ARID1B: variants seen among roughly 807,000 people sequenced by gnomAD.
ARID1B encodes AT-rich interactive domain-containing protein 1B.
ARID1B carries 30 observed loss-of-function variants against 212.3 expected under a neutral mutation model. That is an observed-to-expected ratio of 0.14 (90% confidence interval 0.11 to 0.19). ARID1B has a LOEUF of 0.19. ARID1B is among the 10% of genes least tolerant of loss of function. ARID1B has a pLI of 1.00. For synonymous variants in ARID1B, 1,402 were observed against 1,301.7 expected (o/e 1.08, Z -1.66); for missense variants, 2,891 against 3,204.0 (o/e 0.90, Z 2.36).
At chr6:156,925,502 T>A (rs1180339934) in intron 3 of ARID1B, among the ~76,000 whole-genome samples, 3 of 152,100 alleles carry the variant, frequency 2.0e-5, no homozygotes, top group Non-Finnish European at 4.4e-5. Context: ...AGTGAGACCC[T>A]TTCTCTAAAA....
chr6:156,977,227 T>A (rs964550787), intron 4 of ARID1B, among the ~76,000 whole-genome samples: 1 of 152,000 alleles, frequency 6.6e-6, no homozygotes, highest in African/African-American at 2.4e-5. Flanking sequence ...ACAGTTTTTA[T>A]CAAATTTGGA....
chr6:156,878,088 C>T (rs550259244), intron 2 of ARID1B, among the ~76,000 whole-genome samples: 1 of 152,218 alleles, frequency 6.6e-6, no homozygotes, highest in South Asian at 2.1e-4. Flanking sequence ...CATACTTGAT[C>T]AGGCGGTTGC....
At chr6:156,837,255 G>GA (rs1397992976) in intron 2 of ARID1B, among the ~76,000 whole-genome samples, 1 of 152,162 alleles carries the variant, frequency 6.6e-6, no homozygotes, top group African/African-American at 2.4e-5. Context: ...TTGATAAGTA[G>GA]AAAATCTTAA....
intron 7 of ARID1B, among the ~76,000 whole-genome samples, chr6:157,145,205 T>C (rs1224701694): frequency 6.6e-6 from 1 of 152,188 alleles, no homozygotes; most frequent in Non-Finnish European, 1.5e-5. Context: ...CTGTTGCTAG[T>C]GTAGCAGTTT....
At chr6:156,957,356 C>T (rs1794045820) in intron 4 of ARID1B, among the ~76,000 whole-genome samples, 1 of 152,150 alleles carries the variant, frequency 6.6e-6, no homozygotes, top group South Asian at 2.1e-4. Flanking sequence ...TCCCCACTTC[C>T]TTCCCACATA....
At chr6:156,887,641 G>A (rs1787615872) in intron 2 of ARID1B, among the ~76,000 whole-genome samples, 1 of 152,074 alleles carries the variant, frequency 6.6e-6, no homozygotes, top group Admixed American at 6.5e-5. Context: ...AGGGCCAGAA[G>A]AGAAAAAGGA....
At chr6:156,866,629 T>G (rs187254551) in intron 2 of ARID1B, among the ~76,000 whole-genome samples, 1 of 152,314 alleles carries the variant, frequency 6.6e-6, no homozygotes, top group Admixed American at 6.5e-5. Flanking sequence ...CAGAGTCTCT[T>G]TAGGTTAAAA....
intron 5 of ARID1B, among the ~76,000 whole-genome samples, chr6:157,096,696 G>A (rs746647145): frequency 9.0e-5 from 13 of 145,082 alleles, no homozygotes; most frequent in Non-Finnish European, 1.6e-4. Context: ...CCTGAGCTGC[G>A]GGGTCCCTGA....
chr6:156,828,062 C>CTT (rs538099082), intron 1 of ARID1B, among the ~76,000 whole-genome samples: 2,813 of 123,724 alleles, frequency 0.023, 80 homozygotes, highest in South Asian at 0.099. Context: ...TGCCCGGCCT[C>CTT]TTTTTTTTTT....
intron 17 of ARID1B, among the ~76,000 whole-genome samples, chr6:157,199,719 A>G (rs995427036): frequency 1.3e-5 from 2 of 151,886 alleles, no homozygotes; most frequent in Non-Finnish European, 2.9e-5. Flanking sequence ...TCTGGAATCC[A>G]GTGGTGCAAT....
rs1490556592 is a variant in ARID1B, at chr6:157,014,947, AAAGT to A, written c.2248-69712_2248-69709del. Among the ~76,000 whole-genome samples, 4 of 152,316 alleles carry A rather than the reference AAAGT, an allele frequency of 2.6e-5. No homozygotes were observed. The East Asian group carries it at 7.7e-4, about 29-fold the overall frequency. On this transcript the variant is annotated intron_variant, in intron 4 of 19. Transcript: ENST00000636930. Reference sequence around the variant, plus strand: ...TCCATCTTATAGAAACATGCAGGCTAAAGTAAAAAACAAATAATCAGATTATTAT... The same window carrying A: ...TCCATCTTATAGAAACATGCAGGCTAAAAAAACAAATAATCAGATTATTAT...
chr6:156,845,812 C>T (rs1197702451), intron 2 of ARID1B, among the ~76,000 whole-genome samples: 1 of 151,850 alleles, frequency 6.6e-6, no homozygotes, highest in Admixed American at 6.6e-5. Context: ...TTCATTTGTT[C>T]TTACTATCTA....
chr6:157,103,509 T>C (rs1786234518), intron 5 of ARID1B, among the ~76,000 whole-genome samples: 1 of 152,236 alleles, frequency 6.6e-6, no homozygotes, highest in Non-Finnish European at 1.5e-5. Context: ...AGCTATAATA[T>C]ATTCATGTCT....
intron 4 of ARID1B, among the ~76,000 whole-genome samples, chr6:157,037,644 C>T (rs1336285413): frequency 6.6e-6 from 1 of 152,142 alleles, no homozygotes; most frequent in Non-Finnish European, 1.5e-5. Flanking sequence ...ATAACTTTCT[C>T]CTATAAAAAA....
At chr6:157,125,929 A>G (rs1788106315) in intron 6 of ARID1B, among the ~76,000 whole-genome samples, 1 of 152,174 alleles carries the variant, frequency 6.6e-6, no homozygotes, top group Admixed American at 6.6e-5. Context: ...CCCTATTGAT[A>G]GGCTTTTATT....
At chr6:157,049,582 TCACTCTTCCACAA>T (rs1782457145) in intron 4 of ARID1B, among the ~76,000 whole-genome samples, 1 of 152,212 alleles carries the variant, frequency 6.6e-6, no homozygotes, top group Admixed American at 6.5e-5. Context: ...TAACCTCCCT[TCACTCTTCCACAA>T]ATTAAGTTTT....
chr6:156,916,644 C>T lies in ARID1B; in HGVS notation c.2136+15119C>T, dbSNP rs146366550. Among the ~76,000 whole-genome samples the T allele has an allele frequency of 1.9e-3, 295 of 152,180 alleles. 2 individuals carry two copies. The highest frequency in any genetic ancestry group is 6.6e-3 in the African/African-American group (275 of 41,534). On this transcript the variant is annotated intron_variant, in intron 3 of 19. Coordinates refer to ENST00000636930, the MANE Select transcript of ARID1B (RefSeq NM_001374828.1). ...CGTTTCTGCTTGCCTTATGTTTCCC[C>T]GTTGTCAGGTCTCGATGCATCACAT...
intron 4 of ARID1B, among the ~76,000 whole-genome samples, chr6:157,025,753 A>T (rs1780617995): frequency 6.6e-6 from 1 of 152,202 alleles, no homozygotes; most frequent in African/African-American, 2.4e-5. Flanking sequence ...GTCAACTATG[A>T]TGAAAGCCTC....
chr6:157,090,351 A>G (rs902832051), intron 5 of ARID1B, among the ~76,000 whole-genome samples: 15 of 152,244 alleles, frequency 9.9e-5, no homozygotes, highest in African/African-American at 3.6e-4. Context: ...ATCTAAGGAT[A>G]GTAACTGAAA....
Sources: gnomAD v4.1 joint callset for allele counts (sites outside exome capture counted in the v4.1 genomes callset) on GRCh38, gnomAD v4.1.1 for gene constraint, MANE v1.5 for transcripts, NCBI Gene and HGNC (gene_info 2026-07-23, HGNC 2026-07-21) for gene names.